The following PRKG1 variants were observed in gnomAD, a reference collection of about 807,000 sequenced individuals.
PRKG1 encodes the protein cGMP-dependent protein kinase 1.
PRKG1 carries 35 observed loss-of-function variants against 88.1 expected under a neutral mutation model. That is an observed-to-expected ratio of 0.40 (90% CI 0.30 to 0.53). The LOEUF is 0.53. Among genes scored for constraint, PRKG1 ranks in the 20% least tolerant of loss-of-function variants. The probability of loss-of-function intolerance (pLI) is 0.59; values close to 1 mark genes in which losing one functional copy is unlikely to be tolerated. For missense variants in PRKG1, 540 were observed against 839.8 expected (o/e 0.64, Z 4.41); for synonymous variants, 303 against 292.5 (o/e 1.04, Z -0.37).
At chr10:51,054,832 T>C (rs1293664195) in intron 1 of PRKG1, among the ~76,000 whole-genome samples, 1 of 152,156 alleles carries the variant, frequency 6.6e-6, no homozygotes, top group African/African-American at 2.4e-5. Flanking sequence ...TTTTCAGTTT[T>C]CTCACGTTTA....
At chr10:52,049,536 TTTG>T (rs1344478955) in intron 5 of PRKG1, among the ~76,000 whole-genome samples, 1 of 152,188 alleles carries the variant, frequency 6.6e-6, no homozygotes, top group Non-Finnish European at 1.5e-5. Flanking sequence ...TTTCAATTGA[TTTG>T]TTATTTGAAA....
chr10:52,152,186 T>C (rs963644361), intron 8 of PRKG1, among the ~76,000 whole-genome samples: 9 of 152,164 alleles, frequency 5.9e-5, no homozygotes, highest in Non-Finnish European at 1.5e-5. Context: ...CCTGGGCACA[T>C]ACATATACCC....
At chr10:51,436,175 G>GC (rs1491236532) in intron 2 of PRKG1, among the ~76,000 whole-genome samples, 1 of 132,894 alleles carries the variant, frequency 7.5e-6, no homozygotes, top group Admixed American at 7.5e-5. Context: ...TCTGTAAGTT[G>GC]TTTTTTTTTT....
chr10:52,260,434 T>G (rs556380579), intron 10 of PRKG1, among the ~76,000 whole-genome samples: 14 of 152,244 alleles, frequency 9.2e-5, no homozygotes, highest in African/African-American at 3.4e-4. Flanking sequence ...GAAAGAGAGT[T>G]GAATTTCACA....
At chr10:51,987,612 A>T (rs1844196416) in intron 5 of PRKG1, among the ~76,000 whole-genome samples, 1 of 152,136 alleles carries the variant, frequency 6.6e-6, no homozygotes, top group Admixed American at 6.6e-5. Context: ...AGTGTTTCAC[A>T]CTGTAAAAAA....
At chr10:51,420,423 A>T (rs1307367724) in intron 2 of PRKG1, among the ~76,000 whole-genome samples, 5 of 152,178 alleles carry the variant, frequency 3.3e-5, no homozygotes, top group African/African-American at 1.2e-4. Flanking sequence ...GTTGATGCCC[A>T]GGATGACTGT....
intron 2 of PRKG1, among the ~76,000 whole-genome samples, chr10:51,453,071 G>A (rs1265653162): frequency 6.6e-6 from 1 of 151,722 alleles, no homozygotes; most frequent in Non-Finnish European, 1.5e-5. Context: ...GTTCTAGTTT[G>A]TGCACATAAA....
chr10:52,006,026 GA>G (rs1464630231), intron 5 of PRKG1, among the ~76,000 whole-genome samples: 1 of 151,352 alleles, frequency 6.6e-6, no homozygotes, highest in African/African-American at 2.4e-5. Context: ...CCAGTCAACT[GA>G]ACCCACCTTA....
At chr10:51,214,693 A>G (rs1354902432) in intron 2 of PRKG1, among the ~76,000 whole-genome samples, 1 of 151,728 alleles carries the variant, frequency 6.6e-6, no homozygotes, top group Non-Finnish European at 1.5e-5. Context: ...GCCCAGTCTG[A>G]TCTCAAACCG....
At chr10:51,038,153 A>T (rs143034793) in intron 1 of PRKG1, among the ~76,000 whole-genome samples, 2,302 of 152,316 alleles carry the variant, frequency 0.015, 30 homozygotes, top group Non-Finnish European at 0.021. Context: ...TTTTGTTAGT[A>T]TTCTTACTCT....
intron 3 of PRKG1, among the ~76,000 whole-genome samples, chr10:51,789,026 G>A (rs1390374252): frequency 1.3e-5 from 2 of 152,116 alleles, no homozygotes; most frequent in African/African-American, 4.8e-5. Flanking sequence ...CTGAGTTAAA[G>A]TCACATCGTT....
chr10:52,138,798 T>C (rs1006539382), intron 8 of PRKG1, among the ~76,000 whole-genome samples: 5 of 152,076 alleles, frequency 3.3e-5, no homozygotes, highest in Admixed American at 2.6e-4. Flanking sequence ...GAGATATCTC[T>C]AGATATCAGG....
chr10:51,540,522 A>G (rs1157434259), intron 3 of PRKG1, among the ~76,000 whole-genome samples: 1 of 152,180 alleles, frequency 6.6e-6, no homozygotes, highest in African/African-American at 2.4e-5. Context: ...AATAAATTAG[A>G]TAGATAATAG....
rs1841171373 is a variant in PRKG1 at position 52,251,624 on chromosome 10, C to T, written c.1131C>T (p.Ile377=). 6.2e-7 allele frequency: 1 copy of T among 1,613,604 alleles called. No individual in the cohort carries two copies. The highest frequency in any genetic ancestry group is 1.7e-5 in the Admixed American group (1 of 59,980). Residue 377 remains isoleucine, a synonymous_variant, in exon 10 of 18, where the codon ATC becomes ATT. Coordinates refer to ENST00000373980, the MANE Select transcript of PRKG1 (RefSeq NM_006258.4). ...FANLKLSDFN[I]IDTLGVGGFG... ...ACCTGAAGCTGTCTGATTTCAACAT[C>T]ATTGATACCCTTGGAGTTGGAGGTT...
At chr10:51,197,926 C>T (rs1009509755) in intron 2 of PRKG1, among the ~76,000 whole-genome samples, 3 of 151,688 alleles carry the variant, frequency 2.0e-5, no homozygotes, top group East Asian at 2.0e-4. Context: ...TTTAGACAAA[C>T]ATTCGACTTT....
At chr10:51,398,755 C>T (rs924269321) in intron 2 of PRKG1, among the ~76,000 whole-genome samples, 2 of 152,170 alleles carry the variant, frequency 1.3e-5, no homozygotes, top group African/African-American at 4.8e-5. Context: ...CTGCTTTACG[C>T]ACCAGTGTGA....
chr10:51,661,884 G>C (rs1269566121), intron 3 of PRKG1, among the ~76,000 whole-genome samples: 1 of 152,134 alleles, frequency 6.6e-6, no homozygotes, highest in Non-Finnish European at 1.5e-5. Flanking sequence ...ATACACCATG[G>C]AATACTATGC....
intron 2 of PRKG1, among the ~76,000 whole-genome samples, chr10:51,308,306 G>A (rs566259029): frequency 4.6e-4 from 70 of 152,112 alleles, no homozygotes; most frequent in Non-Finnish European, 1.6e-4. Flanking sequence ...ACAGGTCTCT[G>A]CCTGTTTCAC....
chr10:51,124,924 C>T (rs1423694656), intron 1 of PRKG1, among the ~76,000 whole-genome samples: 1 of 152,170 alleles, frequency 6.6e-6, no homozygotes, highest in Non-Finnish European at 1.5e-5. Flanking sequence ...TTTGAGTTGA[C>T]ATATGACCTG....
Sources: allele counts gnomAD v4.1 joint callset (sites outside exome capture counted in the v4.1 genomes callset), GRCh38; gene constraint gnomAD v4.1.1; transcripts MANE v1.5; gene names NCBI Gene and HGNC (gene_info 2026-07-23, HGNC 2026-07-21).